ITGA1: variants seen among roughly 807,000 people sequenced by gnomAD.
ITGA1 encodes integrin alpha-1.
A neutral mutation model predicts 145.9 loss-of-function variants in ITGA1; 85 were observed. The ratio of observed to expected loss-of-function variants is 0.58; its 90% CI spans 0.49 to 0.70. The LOEUF (loss-of-function observed/expected upper bound fraction) is 0.70, where lower values mean the gene tolerates loss of function less well. ITGA1 is among the 30% of genes least tolerant of loss of function. The probability of loss-of-function intolerance (pLI) is 0.00; values close to 1 mark genes in which losing one functional copy is unlikely to be tolerated. For missense variants in ITGA1, 1,351 were observed against 1,418.7 expected, an observed-to-expected ratio of 0.95 and a Z score of 0.77; for synonymous variants, 520 against 495.3, an observed-to-expected ratio of 1.05 and a Z score of -0.66.
At chr5:52,886,635 T>C (rs1750054092) in intron 7 of ITGA1, among the ~76,000 whole-genome samples, 1 of 152,176 alleles carries the variant, frequency 6.6e-6, no homozygotes, top group Non-Finnish European at 1.5e-5. Context: ...CGAAAAGGTT[T>C]GAGTAAAAGG....
Position 52,926,611 on chromosome 5 carries a change from AATTATT to A in ITGA1, c.2614-955_2614-950del, listed in dbSNP as rs529864505. On this transcript the variant is annotated intron_variant, in intron 19 of 28. Transcript: ENST00000282588. ...GGGAGAACAAGACTCTGTCTCAAAA[AATTATT>A]ATTATTATTATTATTATAAATACAA... 8.4e-4 allele frequency among the ~76,000 whole-genome samples: 127 copies of A among 151,620 alleles called. 1 individual carries two copies. In the East Asian group the frequency reaches 0.018, roughly 22 times the overall value.
chr5:52,805,432 A>G (rs949052978), intron 1 of ITGA1, among the ~76,000 whole-genome samples: 5 of 152,112 alleles, frequency 3.3e-5, no homozygotes, highest in South Asian at 4.1e-4. Flanking sequence ...AGGCAGCAAT[A>G]ATGTTCCTTG....
chr5:52,905,529 T>C (rs1262474255), intron 11 of ITGA1: 4 of 316,754 alleles, frequency 1.3e-5, no homozygotes, highest in Non-Finnish European at 1.7e-5. Flanking sequence ...TTTTAAATAA[T>C]GAAAAACTCA....
At position 52,837,927 on chromosome 5, in the gene ITGA1, T is replaced by C. The variant is rs564711863; in HGVS notation, c.62-11438T>C. ...TCTGAAACAAAAATAAGCATTCTAGTGACCCTTGCCTTCTGAAATATTTCA... is the reference window on the plus strand; with the variant it reads ...TCTGAAACAAAAATAAGCATTCTAGCGACCCTTGCCTTCTGAAATATTTCA... On this transcript the variant is annotated intron_variant, in intron 1 of 28. Transcript: ENST00000282588. Among the ~76,000 whole-genome samples the C allele has an allele frequency of 7.0e-4, 106 of 152,340 alleles. 1 individual carries two copies. Among genetic ancestry groups the C allele is most frequent in the African/African-American group, 2.5e-3 (104 of 41,592 alleles).
At chr5:52,800,320 C>G in intron 1 of ITGA1, 1 of 1,553,712 alleles carries the variant, frequency 6.4e-7, no homozygotes. Flanking sequence ...GCCTGCATTC[C>G]CATCCCCTCT....
At chr5:52,794,039 C>T (rs1438441595) in intron 1 of ITGA1, among the ~76,000 whole-genome samples, 1 of 151,866 alleles carries the variant, frequency 6.6e-6, no homozygotes, top group Non-Finnish European at 1.5e-5. Context: ...AATTAAAATG[C>T]ATATGCTGGT....
At chr5:52,915,622 T>A in intron 15 of ITGA1, 28 bp downstream of exon 15, 2 of 1,611,592 alleles carry the variant, frequency 1.2e-6, no homozygotes, top group Non-Finnish European at 1.7e-6. Context: ...ATCCTGTTAA[T>A]CTGAGACTGG....
chr5:52,828,392 C>T (rs527396775), intron 1 of ITGA1, among the ~76,000 whole-genome samples: 2 of 152,146 alleles, frequency 1.3e-5, no homozygotes, highest in African/African-American at 4.8e-5. Flanking sequence ...TTTAATTTAC[C>T]TTTCCCTAAT....
intron 26 of ITGA1, among the ~76,000 whole-genome samples, chr5:52,942,619 C>T (rs1751071168): frequency 6.6e-6 from 1 of 151,646 alleles, no homozygotes; most frequent in African/African-American, 2.4e-5. Flanking sequence ...CAAGCTCCGC[C>T]TCCCGGGTTC....
chr5:52,875,174 G>A (rs966636805), intron 6 of ITGA1, among the ~76,000 whole-genome samples: 26 of 151,956 alleles, frequency 1.7e-4, no homozygotes, highest in African/African-American at 4.8e-4. Flanking sequence ...GGAGTCTGCC[G>A]TAAAGATATA....
chr5:52,834,560 G>GAAAGAA (rs1554042403), intron 1 of ITGA1, among the ~76,000 whole-genome samples: 6 of 130,690 alleles, frequency 4.6e-5, no homozygotes, highest in African/African-American at 8.6e-5. Flanking sequence ...GAAAGAGAGA[G>GAAAGAA]AGAAAGAGAG....
intron 1 of ITGA1, among the ~76,000 whole-genome samples, chr5:52,818,740 G>T (rs1237603927): frequency 6.6e-6 from 1 of 152,154 alleles, no homozygotes; most frequent in Non-Finnish European, 1.5e-5. Context: ...CCCTGACAAA[G>T]CATCCAGCAC....
intron 1 of ITGA1, among the ~76,000 whole-genome samples, chr5:52,830,549 A>C (rs959904864): frequency 1.3e-5 from 2 of 152,198 alleles, no homozygotes; most frequent in Non-Finnish European, 2.9e-5. Flanking sequence ...AAGTTACTCC[A>C]TGTTGGTAAA....
Position 52,932,034 on chromosome 5 carries a change from G to T in ITGA1, c.2772-13G>T, listed in dbSNP as rs199926779. 2 of 1,478,904 alleles carry T rather than the reference G, an allele frequency of 1.4e-6. No homozygotes were observed. Among genetic ancestry groups the T allele is most frequent in the South Asian group, 2.3e-5 (2 of 87,550 alleles). The allele number at this position is 1,478,904 out of a possible 1,614,324, so 91.6% of individuals were successfully genotyped here. A position where few individuals can be genotyped will look rare whatever the true frequency, so the allele number is the denominator to read the frequency against. On this transcript the variant is annotated splice_polypyrimidine_tract_variant and intron_variant, in intron 21 of 28. Transcript: ENST00000282588. ...TTTTAATGGTTTGTCTGAATGTGCC[G>T]TGTATTTTCTAGTGACAGCGAAGAA...
intron 22 of ITGA1, 69 bp downstream of exon 22, chr5:52,932,205 T>C: frequency 1.0e-6 from 1 of 971,312 alleles, no homozygotes; most frequent in Admixed American, 2.0e-5. Flanking sequence ...GTGTGGTCCC[T>C]GCCTGGCCAA....
intron 28 of ITGA1, among the ~76,000 whole-genome samples, chr5:52,950,922 G>T (rs953276496): frequency 2.6e-5 from 4 of 152,132 alleles, no homozygotes; most frequent in African/African-American, 9.6e-5. Context: ...TTGTGAATCT[G>T]GAACTTTTAT....
Position 52,826,006 on chromosome 5 carries a change from C to T in ITGA1, c.62-23359C>T, listed in dbSNP as rs1748955082. 1.3e-5 allele frequency among the ~76,000 whole-genome samples: 2 copies of T among 151,966 alleles called. 1 individual carries two copies. The highest frequency in any genetic ancestry group is 4.1e-4 in the South Asian group (2 of 4,824). ...TCAAGTGAAAGGAAGTCACACATCT[C>T]TCACTTTAAATGAAAAGCTAGAAAT... On this transcript the variant is annotated intron_variant, in intron 1 of 28. Transcript: ENST00000282588.
chr5:52,903,792 A>G (rs902662797), intron 11 of ITGA1: 1 of 152,200 alleles, frequency 6.6e-6, no homozygotes, highest in African/African-American at 2.4e-5. Context: ...ATTTTTATTC[A>G]TTGATATGGC....
intron 11 of ITGA1, among the ~76,000 whole-genome samples, chr5:52,898,734 C>T (rs748868544): frequency 2.6e-5 from 4 of 152,170 alleles, no homozygotes; most frequent in Admixed American, 1.3e-4. Context: ...AAGGAAACCT[C>T]GACTTCTCCT....
Sources: gnomAD v4.1 joint callset for allele counts (sites outside exome capture counted in the v4.1 genomes callset) on GRCh38, gnomAD v4.1.1 for gene constraint, MANE v1.5 for transcripts, NCBI Gene and HGNC (gene_info 2026-07-23, HGNC 2026-07-21) for gene names.